CDC42BPB: variants seen among roughly 807,000 people sequenced by gnomAD.
CDC42BPB encodes the protein serine/threonine-protein kinase MRCK beta.
A neutral mutation model predicts 214.9 loss-of-function variants in CDC42BPB; 37 were observed. The ratio of observed to expected loss-of-function variants is 0.17; its 90% CI spans 0.13 to 0.23. CDC42BPB has a LOEUF of 0.23. CDC42BPB is among the 10% of genes least tolerant of loss of function. The probability of loss-of-function intolerance (pLI) is 1.00; values close to 1 mark genes in which losing one functional copy is unlikely to be tolerated. For missense variants in CDC42BPB, 1,694 were observed against 2,227.0 expected (o/e 0.76, Z 4.82); for synonymous variants, 931 against 884.0 (o/e 1.05, Z -0.94).
At chr14:102,992,414 A>G (rs1894535388) in intron 5 of CDC42BPB, among the ~76,000 whole-genome samples, 2 of 152,252 alleles carry the variant, frequency 1.3e-5, no homozygotes, top group African/African-American at 4.8e-5. Context: ...AGTACCTGCC[A>G]TGCATAAATT....
At chr14:102,993,607 A>T (rs753771928) in intron 5 of CDC42BPB, among the ~76,000 whole-genome samples, 6 of 152,184 alleles carry the variant, frequency 3.9e-5, no homozygotes, top group Non-Finnish European at 7.4e-5. Context: ...AAGCAGACCC[A>T]GCCCTTCCCC....
intron 11 of CDC42BPB, 110 bp downstream of exon 11, chr14:102,975,574 C>G: frequency 8.6e-7 from 1 of 1,168,036 alleles, no homozygotes; most frequent in South Asian, 1.5e-5. Context: ...CTTGCTAAAG[C>G]CTAAGCTTTT....
chr14:103,009,725 A>G (rs1234386950), intron 2 of CDC42BPB, among the ~76,000 whole-genome samples: 2 of 152,224 alleles, frequency 1.3e-5, no homozygotes, highest in African/African-American at 4.8e-5. Context: ...AAGTCCTGCC[A>G]TGGCTGAAGG....
intron 1 of CDC42BPB, among the ~76,000 whole-genome samples, chr14:103,039,292 C>CAAAA (rs202028122): frequency 1.6e-4 from 11 of 70,624 alleles, no homozygotes; most frequent in African/African-American, 3.0e-4. Context: ...GATACCAAAC[C>CAAAA]AAAAAAAAAA....
chr14:103,020,548 G>C (rs1161830235), intron 1 of CDC42BPB, among the ~76,000 whole-genome samples: 1 of 152,222 alleles, frequency 6.6e-6, no homozygotes, highest in Non-Finnish European at 1.5e-5. Context: ...ATGTGTGCGA[G>C]GGCCCAGGCA....
chr14:102,933,604 C>T lies in CDC42BPB; in HGVS notation c.*108G>A. On this transcript the variant is annotated 3_prime_UTR_variant, in exon 37 of 37. Coordinates refer to ENST00000361246, the MANE Select transcript of CDC42BPB (RefSeq NM_006035.4). ...TTTGTCTTCTTCATCTCCATATCTA[C>T]AAAGTGATTCTACATTTCCTTGGAC... is the stretch of plus-strand genomic sequence containing the variant. 1.1e-6 allele frequency: 1 copy of T among 879,714 alleles called. No homozygotes were observed. Among genetic ancestry groups the T allele is most frequent in the Non-Finnish European group, 1.6e-6 (1 of 630,278 alleles). The allele number at this position is 879,714 out of a possible 1,614,324, so 54.5% of individuals were successfully genotyped here.
At chr14:103,048,770 A>C (rs1217623321) in intron 1 of CDC42BPB, among the ~76,000 whole-genome samples, 1 of 149,470 alleles carries the variant, frequency 6.7e-6, no homozygotes, top group East Asian at 2.0e-4. Flanking sequence ...GCTACTCGGG[A>C]GACTGAGGCA....
intron 24 of CDC42BPB, 88 bp from the exon 25 acceptor site, chr14:102,950,690 A>G: frequency 7.2e-7 from 1 of 1,394,880 alleles, no homozygotes; most frequent in South Asian, 1.6e-5. Context: ...GCAATTTAAT[A>G]ATCACCAGGT....
rs1293777219 is a variant in CDC42BPB, at chr14:102,946,674, G to A, written c.3542C>T (p.Ser1181Phe). The change falls in exon 28 of 37, where the codon TCT becomes TTT. Residue 1181 changes from serine (S) to phenylalanine (F), a missense_variant. Transcript: ENST00000361246. ...GGTCTTAGAAGGTGCACCTAAGAGA[G>A]AGGCCGTCACCTTCATGACAGGAAA... is the stretch of plus-strand genomic sequence containing the variant. ...DIPCIFRVTASLLGAPSKTSS... is the reference protein window; with the variant it reads ...DIPCIFRVTAFLLGAPSKTSS... 1.9e-6 allele frequency: 3 copies of A among 1,612,690 alleles called. No homozygotes were observed. Among genetic ancestry groups the A allele is most frequent in the Non-Finnish European group, 2.5e-6 (3 of 1,179,928 alleles).
At chr14:102,938,506 AC>A in intron 34 of CDC42BPB, 95 bp from the exon 35 acceptor site, 2 of 1,465,346 alleles carry the variant, frequency 1.4e-6, no homozygotes, top group South Asian at 2.8e-5. Context: ...TGGCCTCGTG[AC>A]CTTGATGAGC....
In CDC42BPB at chr14:102,999,717, C is replaced by T; in HGVS notation, c.448-4G>A. ...CATAGTAATCCATGACTAAGTACTA[C>T]AAATTGGAAAGAGAAGGGGAGAGAA... On this transcript the variant is annotated splice_region_variant and splice_polypyrimidine_tract_variant and intron_variant, in intron 4 of 36. Transcript: ENST00000361246. The T allele has an allele frequency of 1.2e-6, 2 of 1,614,036 alleles. No homozygotes were observed. The highest frequency in any genetic ancestry group is 1.1e-5 in the South Asian group (1 of 91,062).
intron 1 of CDC42BPB, among the ~76,000 whole-genome samples, chr14:103,051,759 T>C (rs1888620438): frequency 6.6e-6 from 1 of 152,254 alleles, no homozygotes; most frequent in Non-Finnish European, 1.5e-5. Context: ...AACTATTTCT[T>C]CAAATCCAAT....
Position 102,964,513 on chromosome 14 carries a change from G to A in CDC42BPB, c.2715C>T (p.Leu905=). ...CTGGCACCAAGTACCTTTCCAAGGT[G>A]AGGTTGGCGTCCTTGACCTTCCTGA... ...EELRKVKDAN[L]TLESKLKDSE... Residue 905 remains leucine (L), a synonymous_variant, in exon 19 of 37, where the codon CTC becomes CTT. Coordinates refer to ENST00000361246, the MANE Select transcript of CDC42BPB (RefSeq NM_006035.4). The A allele has an allele frequency of 1.9e-6, 3 of 1,613,666 alleles. No individual in the cohort carries two copies. Among genetic ancestry groups the A allele is most frequent in the Non-Finnish European group, 2.5e-6 (3 of 1,179,972 alleles).
In CDC42BPB at chr14:102,983,619, A is replaced by G. The variant is rs1188827232; in HGVS notation, c.828T>C (p.Tyr276=). ...ACTCCGCATAAAACGGCGTTTCTCCATAGAGCATCTCATACATGCAGACAC... is the reference window on the plus strand; with the variant it reads ...ACTCCGCATAAAACGGCGTTTCTCCGTAGAGCATCTCATACATGCAGACAC... ...SLGVCMYEML[Y]GETPFYAESL... The change falls in exon 7 of 37, where the codon TAT becomes TAC. Residue 276 remains tyrosine (Y), a synonymous_variant. Transcript: ENST00000361246. 2 of 1,613,132 alleles carry G rather than the reference A, an allele frequency of 1.2e-6. No individual in the cohort carries two copies. Among genetic ancestry groups the G allele is most frequent in the South Asian group, 2.2e-5 (2 of 91,074 alleles).
intron 18 of CDC42BPB, 149 bp downstream of exon 18, chr14:102,966,133 T>A: frequency 1.8e-6 from 1 of 560,540 alleles, no homozygotes; most frequent in Non-Finnish European, 3.2e-6. Context: ...AGCTGGCAAA[T>A]GTTGGCGTTC....
intron 17 of CDC42BPB, among the ~76,000 whole-genome samples, chr14:102,966,717 AG>A (rs1893221098): frequency 6.6e-6 from 1 of 152,250 alleles, no homozygotes; most frequent in African/African-American, 2.4e-5. Context: ...TTAGGAGCGG[AG>A]GGCCAGGTCC....
chr14:103,024,398 G>A (rs1411830360), intron 1 of CDC42BPB, among the ~76,000 whole-genome samples: 1 of 152,166 alleles, frequency 6.6e-6, no homozygotes, highest in Non-Finnish European at 1.5e-5. Context: ...TGATTAAACG[G>A]TATCTACAGT....
chr14:102,946,390 A>T, intron 28 of CDC42BPB, 78 bp downstream of exon 28: 1 of 1,496,858 alleles, frequency 6.7e-7, no homozygotes, highest in Non-Finnish European at 9.2e-7. Flanking sequence ...CCTTCATCTG[A>T]TTTTCAGATG....
chr14:102,973,115 T>C (rs552464594), intron 12 of CDC42BPB, among the ~76,000 whole-genome samples: 1 of 152,284 alleles, frequency 6.6e-6, no homozygotes, highest in South Asian at 2.1e-4. Context: ...GACAAGACCC[T>C]GAGCAAGCTG....
Sources: allele counts gnomAD v4.1 joint callset (sites outside exome capture counted in the v4.1 genomes callset), GRCh38; gene constraint gnomAD v4.1.1; transcripts MANE v1.5; gene names NCBI Gene and HGNC (gene_info 2026-07-23, HGNC 2026-07-21).